Variants in ATP10D observed in about 807,000 individuals in gnomAD.
ATP10D encodes ATPase phospholipid transporting 10D (putative).
A neutral mutation model predicts 144.8 loss-of-function variants in ATP10D; 89 were observed. The observed-to-expected ratio is 0.61, with a 90% confidence interval of 0.52 to 0.73. The LOEUF (loss-of-function observed/expected upper bound fraction) is 0.73. Ranked by LOEUF, ATP10D falls within the 30% of genes least tolerant of loss-of-function variation. ATP10D has a pLI of 0.00. For synonymous variants in ATP10D, 571 were observed against 615.1 expected (o/e 0.93, Z 1.06); for missense variants, 1,603 against 1,714.8 (o/e 0.93, Z 1.15).
chr4:47,573,904 A>G (rs532584316), intron 18 of ATP10D, among the ~76,000 whole-genome samples: 133 of 152,036 alleles, frequency 8.7e-4, no homozygotes, highest in Middle Eastern at 3.4e-3. Flanking sequence ...TTCCTATAGC[A>G]CAGTACACTT....
intron 17 of ATP10D, 50 bp downstream of exon 17, chr4:47,572,280 A>G (rs1329887789): frequency 6.6e-7 from 1 of 1,504,778 alleles, no homozygotes; most frequent in East Asian, 2.3e-5. Flanking sequence ...CTGCCCATCC[A>G]AAGGCAGCAT....
At chr4:47,532,056 A>G (rs769976095) in intron 5 of ATP10D, among the ~76,000 whole-genome samples, 9 of 152,188 alleles carry the variant, frequency 5.9e-5, no homozygotes, top group African/African-American at 1.7e-4. Context: ...TAGTTTGTCT[A>G]GTGTCTGAGA....
intron 1 of ATP10D, among the ~76,000 whole-genome samples, chr4:47,512,008 C>G (rs1716359533): frequency 6.6e-6 from 1 of 152,182 alleles, no homozygotes; most frequent in African/African-American, 2.4e-5. Flanking sequence ...GACTCTACCT[C>G]TTGATTGGCA....
In ATP10D at chr4:47,530,733, G is replaced by A. The variant is rs558027480; in HGVS notation, c.777-4776G>A. Among the ~76,000 whole-genome samples, 42 of 152,308 alleles carry A rather than the reference G, an allele frequency of 2.8e-4. No homozygotes were observed. In the East Asian group the frequency reaches 5.4e-3, roughly 20 times the overall value. ...GGCCTCCCAAAGTGCTGGTATTACAGGCATGAGCCACTGCGCCCAGCCTAG... is the reference window on the plus strand; with the variant it reads ...GGCCTCCCAAAGTGCTGGTATTACAAGCATGAGCCACTGCGCCCAGCCTAG... On this transcript the variant is annotated intron_variant, in intron 5 of 22. Transcript: ENST00000273859.
At chr4:47,586,342 T>C (rs1720792154) in intron 21 of ATP10D, among the ~76,000 whole-genome samples, 1 of 152,268 alleles carries the variant, frequency 6.6e-6, no homozygotes, top group Non-Finnish European at 1.5e-5. Flanking sequence ...AACATTTATT[T>C]CTTGCTCATA....
At chr4:47,557,555 T>G in intron 11 of ATP10D, 109 bp from the exon 12 acceptor site, 2 of 1,156,156 alleles carry the variant, frequency 1.7e-6, no homozygotes, top group Non-Finnish European at 2.3e-6. Flanking sequence ...TGCTAGCCAT[T>G]TAAGTGAGTG....
intron 20 of ATP10D, 98 bp downstream of exon 20, chr4:47,580,576 C>A (rs1438925806): frequency 9.5e-7 from 1 of 1,052,352 alleles, no homozygotes; most frequent in South Asian, 1.3e-5. Context: ...GCAGATTGCT[C>A]ATATAATCAG....
chr4:47,550,954 T>G (rs1016016612), intron 10 of ATP10D, among the ~76,000 whole-genome samples: 2 of 152,118 alleles, frequency 1.3e-5, no homozygotes, highest in African/African-American at 4.8e-5. Flanking sequence ...GAAATAGAGC[T>G]CCCATACAAA....
At chr4:47,538,681 A>G (rs2109426555) in intron 9 of ATP10D, among the ~76,000 whole-genome samples, 1 of 152,248 alleles carries the variant, frequency 6.6e-6, no homozygotes, top group African/African-American at 2.4e-5. Flanking sequence ...TGCTTAGCTC[A>G]CTGGTATTTC....
intron 3 of ATP10D, among the ~76,000 whole-genome samples, chr4:47,520,551 G>A (rs192149392): frequency 6.6e-6 from 1 of 151,824 alleles, no homozygotes; most frequent in African/African-American, 2.4e-5. Context: ...ATTCTACTTC[G>A]GTAACTTCTT....
chr4:47,535,476 T>C, intron 5 of ATP10D, 33 bp from the exon 6 acceptor site: 1 of 1,550,654 alleles, frequency 6.4e-7, no homozygotes, highest in Non-Finnish European at 8.8e-7. Flanking sequence ...TTTTGCTGTT[T>C]AAAAGTGAAT....
At chr4:47,547,546 GTATAAAAGTTCAATTTCCTTCTT>G (rs1560437855) in intron 10 of ATP10D, 2 of 152,200 alleles carry the variant, frequency 1.3e-5, no homozygotes, top group Non-Finnish European at 2.9e-5. Flanking sequence ...AAAATTACCT[GTATAAAAGTTCAATTTCCTTCTT>G]TGCCTTTTAC....
At chr4:47,529,271 A>C (rs1445715349) in intron 5 of ATP10D, among the ~76,000 whole-genome samples, 1 of 152,156 alleles carries the variant, frequency 6.6e-6, no homozygotes, top group African/African-American at 2.4e-5. Flanking sequence ...TCATAGTTTC[A>C]GGTCTTACAT....
At chr4:47,506,476 A>G (rs1050124837) in intron 1 of ATP10D, among the ~76,000 whole-genome samples, 2 of 152,234 alleles carry the variant, frequency 1.3e-5, no homozygotes, top group Non-Finnish European at 2.9e-5. Flanking sequence ...TACAGGTTTT[A>G]TAATCTGTGA....
At chr4:47,510,580 G>A (rs1164540213) in intron 1 of ATP10D, among the ~76,000 whole-genome samples, 1 of 152,096 alleles carries the variant, frequency 6.6e-6, no homozygotes, top group Non-Finnish European at 1.5e-5. Context: ...TTCTTGTCTG[G>A]GTTGTGGAAT....
intron 11 of ATP10D, among the ~76,000 whole-genome samples, chr4:47,555,731 A>G (rs1718953091): frequency 6.6e-6 from 1 of 151,920 alleles, no homozygotes; most frequent in Non-Finnish European, 1.5e-5. Context: ...TGGATTCAAT[A>G]TCATGTTTAA....
intron 22 of ATP10D, among the ~76,000 whole-genome samples, chr4:47,588,422 G>C (rs1720883940): frequency 6.6e-6 from 1 of 152,268 alleles, no homozygotes; most frequent in South Asian, 2.1e-4. Context: ...TTGGCCTACT[G>C]TCTGATTTTG....
chr4:47,542,629 C>G (rs1462074303), intron 9 of ATP10D, among the ~76,000 whole-genome samples: 2 of 151,946 alleles, frequency 1.3e-5, no homozygotes, highest in South Asian at 4.2e-4. Flanking sequence ...AGGTGCCCGC[C>G]ACCACACCCA....
At chr4:47,488,028 T>C (rs1467137314) in intron 1 of ATP10D, among the ~76,000 whole-genome samples, 1 of 152,188 alleles carries the variant, frequency 6.6e-6, no homozygotes, top group Non-Finnish European at 1.5e-5. Context: ...TAAGTGATCT[T>C]GGGTCTAAAA....
Sources: gnomAD v4.1 joint callset for allele counts (sites outside exome capture counted in the v4.1 genomes callset) on GRCh38, gnomAD v4.1.1 for gene constraint, MANE v1.5 for transcripts, NCBI Gene and HGNC (gene_info 2026-07-23, HGNC 2026-07-21) for gene names.